RALGPS2: variants seen among roughly 807,000 people sequenced by gnomAD.
RALGPS2 encodes Ral GEF with PH domain and SH3 binding motif 2, also known as ras-specific guanine nucleotide-releasing factor RalGPS2.
RALGPS2 carries 43 observed loss-of-function variants against 86.8 expected under a neutral mutation model. That is an observed-to-expected ratio of 0.50 (90% CI 0.39 to 0.64). The LOEUF is 0.64. Ranked by LOEUF, RALGPS2 falls within the 30% of genes least tolerant of loss-of-function variation. The pLI, the probability that RALGPS2 is intolerant of heterozygous loss-of-function variation, is 0.00. For missense variants in RALGPS2, 536 were observed against 694.6 expected (o/e 0.77, Z 2.57); for synonymous variants, 243 against 231.3 (o/e 1.05, Z -0.46).
intron 1 of RALGPS2, among the ~76,000 whole-genome samples, chr1:178,728,870 C>T (rs1162105051): frequency 2.0e-5 from 3 of 152,132 alleles, no homozygotes; most frequent in Admixed American, 6.5e-5. Flanking sequence ...AAATGTGTTA[C>T]ATTTACCTAT....
chr1:178,741,627 A>G (rs1173307896), intron 1 of RALGPS2, among the ~76,000 whole-genome samples: 3 of 152,214 alleles, frequency 2.0e-5, no homozygotes, highest in South Asian at 4.1e-4. Context: ...AAAGTTAAAT[A>G]CTATAAATCC....
chr1:178,913,423 T>G (rs564886128), intron 19 of RALGPS2, among the ~76,000 whole-genome samples: 1 of 152,354 alleles, frequency 6.6e-6, no homozygotes, highest in South Asian at 2.1e-4. Context: ...TAAACTGGGT[T>G]TCACTTTTTC....
chr1:178,729,419 C>G (rs914190385), intron 1 of RALGPS2, among the ~76,000 whole-genome samples: 1 of 152,020 alleles, frequency 6.6e-6, no homozygotes, highest in African/African-American at 2.4e-5. Flanking sequence ...GTATCTGACA[C>G]GTAGTGATGC....
intron 17 of RALGPS2, among the ~76,000 whole-genome samples, chr1:178,899,903 T>G (rs758280596): frequency 1.3e-5 from 2 of 151,940 alleles, no homozygotes; most frequent in Admixed American, 6.6e-5. Context: ...TAAAGGTTAT[T>G]ATTGGAACAA....
intron 1 of RALGPS2, chr1:178,725,703 G>A (rs1649937612): frequency 6.6e-6 from 1 of 151,958 alleles, no homozygotes; most frequent in Non-Finnish European, 1.5e-5. Flanking sequence ...CCTGAAGCCG[G>A]GGGCGCTGCG....
intron 19 of RALGPS2, among the ~76,000 whole-genome samples, chr1:178,911,918 G>A (rs1207475645): frequency 6.6e-6 from 1 of 152,176 alleles, no homozygotes; most frequent in East Asian, 1.9e-4. Context: ...CTTTAGGATA[G>A]TTAAGTCTTC....
chr1:178,887,494 T>C (rs1008022950), intron 13 of RALGPS2, among the ~76,000 whole-genome samples: 1 of 152,156 alleles, frequency 6.6e-6, no homozygotes, highest in Non-Finnish European at 1.5e-5. Flanking sequence ...GCTACTTTTA[T>C]TTTTAAAAAG....
intron 1 of RALGPS2, among the ~76,000 whole-genome samples, chr1:178,729,506 A>G (rs1650217662): frequency 6.6e-6 from 1 of 152,248 alleles, no homozygotes; most frequent in South Asian, 2.1e-4. Flanking sequence ...AAAGATTAAT[A>G]TTTGATTTAT....
At chr1:178,853,541 T>G (rs760197056) in intron 8 of RALGPS2, 128 of 1,356,164 alleles carry the variant, frequency 9.4e-5, no homozygotes, top group Middle Eastern at 3.8e-4. Context: ...TTTCTTGCAT[T>G]ATTGCAAGAA....
chr1:178,758,885 G>C (rs903924737), intron 1 of RALGPS2, among the ~76,000 whole-genome samples: 4 of 152,052 alleles, frequency 2.6e-5, no homozygotes, highest in Non-Finnish European at 5.9e-5. Context: ...GAAATGTCTA[G>C]TCAGATCTTT....
chr1:178,770,156 A>G (rs752204682), intron 1 of RALGPS2, among the ~76,000 whole-genome samples: 2 of 151,946 alleles, frequency 1.3e-5, no homozygotes, highest in Non-Finnish European at 2.9e-5. Context: ...AGCTGGGACT[A>G]CAGGTGCACA....
At chr1:178,905,054 A>C (rs1461597824) in intron 18 of RALGPS2, among the ~76,000 whole-genome samples, 2 of 151,678 alleles carry the variant, frequency 1.3e-5, no homozygotes, top group African/African-American at 2.4e-5. Context: ...TTCCTTGTAG[A>C]GCTCTTTCGA....
chr1:178,843,001 C>T (rs1297693980), intron 8 of RALGPS2, among the ~76,000 whole-genome samples: 4 of 149,924 alleles, frequency 2.7e-5, no homozygotes, highest in Non-Finnish European at 3.0e-5. Flanking sequence ...AGTCAGGAAA[C>T]GACAGGTGCT....
chr1:178,758,084 CAT>C (rs1652044043), intron 1 of RALGPS2, among the ~76,000 whole-genome samples: 1 of 151,962 alleles, frequency 6.6e-6, no homozygotes, highest in African/African-American at 2.4e-5. Flanking sequence ...TACAGGTGTT[CAT>C]AATAGTCTTT....
chr1:178,874,498 C>T (rs1389139077), intron 8 of RALGPS2, among the ~76,000 whole-genome samples: 1 of 152,192 alleles, frequency 6.6e-6, no homozygotes, highest in Non-Finnish European at 1.5e-5. Flanking sequence ...ATGGCAAGAA[C>T]TGGCACATTA....
intron 8 of RALGPS2, among the ~76,000 whole-genome samples, chr1:178,839,466 A>C (rs930304995): frequency 4.6e-5 from 7 of 152,208 alleles, no homozygotes; most frequent in African/African-American, 1.7e-4. Context: ...AAATGCTGAG[A>C]TATTTTGTCA....
At chr1:178,842,668 A>C (rs1215348076) in intron 8 of RALGPS2, among the ~76,000 whole-genome samples, 3 of 142,602 alleles carry the variant, frequency 2.1e-5, no homozygotes, top group Non-Finnish European at 3.1e-5. Context: ...TAATTAAACT[A>C]AAGAGCTTCT....
intron 1 of RALGPS2, among the ~76,000 whole-genome samples, chr1:178,769,317 C>G (rs1162513629): frequency 6.6e-6 from 1 of 151,600 alleles, no homozygotes; most frequent in African/African-American, 2.4e-5. Context: ...ACTCAGGCTG[C>G]TAGTCCATGC....
intron 2 of RALGPS2, among the ~76,000 whole-genome samples, chr1:178,782,197 C>A (rs1353936805): frequency 6.6e-6 from 1 of 152,186 alleles, no homozygotes; most frequent in African/African-American, 2.4e-5. Flanking sequence ...AATTGATGAA[C>A]TGCTGGAGAC....
Sources: allele counts gnomAD v4.1 joint callset (sites outside exome capture counted in the v4.1 genomes callset), GRCh38; gene constraint gnomAD v4.1.1; transcripts MANE v1.5; gene names NCBI Gene and HGNC (gene_info 2026-07-23, HGNC 2026-07-21).